The following SGCZ variants were observed in gnomAD, a reference collection of about 807,000 sequenced individuals.
The protein encoded by SGCZ is zeta-sarcoglycan.
In SGCZ, 40 loss-of-function variants were observed where a neutral mutation model predicts 41.3. The ratio of observed to expected loss-of-function variants is 0.97; its 90% CI spans 0.75 to 1.26. The LOEUF is 1.26. Ranked by LOEUF, SGCZ falls within the 50% of genes most tolerant of loss-of-function variation. The pLI, the probability that SGCZ is intolerant of heterozygous loss-of-function variation, is 0.00. For missense variants in SGCZ, 552 were observed against 369.8 expected (o/e 1.49, Z -4.04); for synonymous variants, 206 against 137.5 (o/e 1.50, Z -3.49).
At chr8:14,325,203 C>T (rs1011966577) in intron 2 of SGCZ, among the ~76,000 whole-genome samples, 3 of 152,020 alleles carry the variant, frequency 2.0e-5, no homozygotes, top group Admixed American at 6.6e-5. Context: ...TTAGGGCTAA[C>T]TGATACAGTA....
intron 1 of SGCZ, among the ~76,000 whole-genome samples, chr8:15,129,700 G>T (rs1447575427): frequency 4.4e-5 from 3 of 67,424 alleles, no homozygotes; most frequent in Non-Finnish European, 8.7e-5. Context: ...AGTCAGAGAA[G>T]CATTTGCAAA....
chr8:15,051,254 G>T (rs1392230818), intron 1 of SGCZ, among the ~76,000 whole-genome samples: 1 of 152,202 alleles, frequency 6.6e-6, no homozygotes, highest in Non-Finnish European at 1.5e-5. Context: ...AGGACATGGG[G>T]AGGAGGCTAA....
chr8:14,907,851 A>G (rs901566019), intron 1 of SGCZ, among the ~76,000 whole-genome samples: 1 of 152,172 alleles, frequency 6.6e-6, no homozygotes, highest in Non-Finnish European at 1.5e-5. Context: ...CATACCAAGT[A>G]CATCCAAAAT....
At chr8:14,395,394 A>C (rs1798883561) in intron 2 of SGCZ, among the ~76,000 whole-genome samples, 1 of 152,176 alleles carries the variant, frequency 6.6e-6, no homozygotes, top group Non-Finnish European at 1.5e-5. Flanking sequence ...TAGGAAGTAT[A>C]GCATATTTAA....
chr8:14,606,876 G>T (rs1347999133), intron 1 of SGCZ, among the ~76,000 whole-genome samples: 2 of 152,086 alleles, frequency 1.3e-5, no homozygotes, highest in South Asian at 2.1e-4. Context: ...AGTTTTTACA[G>T]TTAAGACTAT....
At chr8:14,614,044 G>A (rs766874015) in intron 1 of SGCZ, among the ~76,000 whole-genome samples, 18 of 152,032 alleles carry the variant, frequency 1.2e-4, no homozygotes, top group African/African-American at 4.1e-4. Flanking sequence ...AGTACAGGCC[G>A]CTCACACTCA....
chr8:14,109,067 A>T (rs1272415534), intron 5 of SGCZ, among the ~76,000 whole-genome samples: 1 of 152,174 alleles, frequency 6.6e-6, no homozygotes, highest in African/African-American at 2.4e-5. Context: ...TAGAGCTCCC[A>T]CCTTTGATTA....
At chr8:14,553,093 A>G (rs1212209086) in intron 2 of SGCZ, among the ~76,000 whole-genome samples, 3 of 152,088 alleles carry the variant, frequency 2.0e-5, no homozygotes, top group African/African-American at 7.2e-5. Flanking sequence ...GGACAAAAGA[A>G]TGTGCAGGAG....
chr8:14,681,048 T>C (rs957377020), intron 1 of SGCZ, among the ~76,000 whole-genome samples: 2 of 149,872 alleles, frequency 1.3e-5, no homozygotes, highest in East Asian at 2.0e-4. Context: ...AATCCATAGA[T>C]GAAATTGCCC....
intron 1 of SGCZ, among the ~76,000 whole-genome samples, chr8:14,992,475 A>G (rs1194729662): frequency 1.4e-5 from 2 of 147,458 alleles, no homozygotes; most frequent in Non-Finnish European, 3.0e-5. Flanking sequence ...TCTACTCCCA[A>G]ATCTACTCCC....
chr8:14,714,739 A>T (rs1343661066), intron 1 of SGCZ, among the ~76,000 whole-genome samples: 2 of 152,208 alleles, frequency 1.3e-5, no homozygotes, highest in South Asian at 2.1e-4. Context: ...GAAAAAAATT[A>T]AAAATAAATA....
intron 1 of SGCZ, among the ~76,000 whole-genome samples, chr8:14,687,171 AAT>A (rs59722242): frequency 0.023 from 3,288 of 141,256 alleles, 52 homozygotes; most frequent in Middle Eastern, 0.083. Flanking sequence ...AGAAAAAAAA[AAT>A]ATATATATAT....
chr8:14,757,962 T>C (rs570668963), intron 1 of SGCZ, among the ~76,000 whole-genome samples: 5 of 152,194 alleles, frequency 3.3e-5, no homozygotes, highest in Non-Finnish European at 7.3e-5. Flanking sequence ...CTATGAGATA[T>C]GTATAAGCAT....
intron 4 of SGCZ, among the ~76,000 whole-genome samples, chr8:14,197,471 T>G (rs887740035): frequency 1.3e-5 from 2 of 152,016 alleles, no homozygotes; most frequent in Non-Finnish European, 2.9e-5. Context: ...ATGTTGTTTA[T>G]CACAAGAATG....
At chr8:14,571,027 G>C in intron 1 of SGCZ, among the ~76,000 whole-genome samples, 1 of 152,014 alleles carries the variant, frequency 6.6e-6, no homozygotes, top group Non-Finnish European at 1.5e-5. Context: ...GTCAGTTTTC[G>C]CACTGCTATA....
chr8:14,136,195 G>A lies in SGCZ; in HGVS notation c.548-27960C>T, dbSNP rs558197038. 2.0e-4 allele frequency among the ~76,000 whole-genome samples: 30 copies of A among 152,106 alleles called. No individual in the cohort carries two copies. In the South Asian group the frequency reaches 2.1e-3, roughly 11 times the overall value. ...ACTGGATGATGGTTCCAAGATGGCCGAAAAGGAAAAACTCCAGTCTACAGC... is the reference window on the plus strand; with the variant it reads ...ACTGGATGATGGTTCCAAGATGGCCAAAAAGGAAAAACTCCAGTCTACAGC... On this transcript the variant is annotated intron_variant, in intron 5 of 7. Transcript: ENST00000382080.
At chr8:14,102,562 A>AAAG in intron 6 of SGCZ, 63 bp from the exon 7 acceptor site, 2 of 1,270,776 alleles carry the variant, frequency 1.6e-6, no homozygotes. Flanking sequence ...TTAATAGAAA[A>AAAG]AAGAAAATTT....
intron 1 of SGCZ, among the ~76,000 whole-genome samples, chr8:14,955,297 T>G (rs140339129): frequency 5.1e-4 from 78 of 152,348 alleles, no homozygotes; most frequent in African/African-American, 1.9e-3. Context: ...GTTTTTCTTT[T>G]GTGTTATGTT....
intron 5 of SGCZ, among the ~76,000 whole-genome samples, chr8:14,142,109 T>C (rs11778510): frequency 2.0e-5 from 3 of 151,866 alleles, no homozygotes; most frequent in Admixed American, 6.6e-5. Context: ...TAGGTGGGAA[T>C]TGAACAATGA....
Sources: allele counts gnomAD v4.1 joint callset (sites outside exome capture counted in the v4.1 genomes callset), GRCh38; gene constraint gnomAD v4.1.1; transcripts MANE v1.5; gene names NCBI Gene and HGNC (gene_info 2026-07-23, HGNC 2026-07-21).